ASIC2: variants seen among roughly 807,000 people sequenced by gnomAD.
ASIC2 encodes the protein acid sensing ion channel subunit 2.
Under a neutral mutation model 57.3 loss-of-function variants are expected in ASIC2, and 25 were observed. The ratio of observed to expected loss-of-function variants is 0.44; its 90% CI spans 0.32 to 0.61. The LOEUF (loss-of-function observed/expected upper bound fraction) is 0.61. ASIC2 is among the 20% of genes least tolerant of loss of function. The probability of loss-of-function intolerance (pLI) is 0.06; values close to 1 mark genes in which losing one functional copy is unlikely to be tolerated. For missense variants in ASIC2, 641 were observed against 738.1 expected (o/e 0.87, Z 1.52); for synonymous variants, 319 against 307.5 (o/e 1.04, Z -0.39).
chr17:33,252,574 C>A (rs1010100156), intron 1 of ASIC2, among the ~76,000 whole-genome samples: 1 of 152,000 alleles, frequency 6.6e-6, no homozygotes, highest in African/African-American at 2.4e-5. Flanking sequence ...AAGGTGTGTG[C>A]CCAGCCCTGC....
At chr17:33,778,679 G>A (rs928261309) in intron 1 of ASIC2, among the ~76,000 whole-genome samples, 1 of 152,102 alleles carries the variant, frequency 6.6e-6, no homozygotes, top group Admixed American at 6.5e-5. Context: ...TTCTCTACTG[G>A]GTAGCATTGG....
intron 1 of ASIC2, among the ~76,000 whole-genome samples, chr17:33,886,615 C>T (rs1055059817): frequency 6.6e-6 from 1 of 152,010 alleles, no homozygotes; most frequent in South Asian, 2.1e-4. Context: ...AGTAAGATAA[C>T]ATAGAAAAAT....
At chr17:33,547,051 TA>T (rs1403962108) in intron 1 of ASIC2, among the ~76,000 whole-genome samples, 5 of 152,094 alleles carry the variant, frequency 3.3e-5, no homozygotes, top group African/African-American at 1.2e-4. Flanking sequence ...GAAGGCTTGT[TA>T]AAAAAGGTTG....
intron 1 of ASIC2, among the ~76,000 whole-genome samples, chr17:33,438,848 C>CTTT (rs55935165): frequency 1.5e-5 from 2 of 130,420 alleles, no homozygotes; most frequent in African/African-American, 5.7e-5. Flanking sequence ...GCAGGGGAAC[C>CTTT]TTTTTTTTTT....
At chr17:33,703,271 G>A (rs1908759695) in intron 1 of ASIC2, among the ~76,000 whole-genome samples, 1 of 151,782 alleles carries the variant, frequency 6.6e-6, no homozygotes, top group Non-Finnish European at 1.5e-5. Context: ...CCAAATATTT[G>A]GATTTTAATT....
At chr17:33,232,102 T>C (rs1241028667) in intron 1 of ASIC2, among the ~76,000 whole-genome samples, 1 of 152,126 alleles carries the variant, frequency 6.6e-6, no homozygotes. Context: ...CCGGAAGTGA[T>C]GGTATTTGGA....
intron 1 of ASIC2, chr17:33,291,131 G>C (rs547781419): frequency 7.3e-5 from 40 of 549,072 alleles, no homozygotes; most frequent in African/African-American, 5.3e-4. Flanking sequence ...GGGACCATAA[G>C]GAGTAGAATG....
intron 1 of ASIC2, among the ~76,000 whole-genome samples, chr17:33,586,133 T>C (rs972613358): frequency 1.3e-5 from 2 of 152,178 alleles, no homozygotes; most frequent in African/African-American, 4.8e-5. Context: ...AAGAAGAGTG[T>C]CCACCGCAGC....
chr17:33,562,635 T>A (rs2043472), intron 1 of ASIC2, among the ~76,000 whole-genome samples: 86,102 of 151,912 alleles, frequency 0.57, 25,546 homozygotes, highest in African/African-American at 0.75. Flanking sequence ...GGCACCTATC[T>A]CTTGGGAAAA....
At chr17:34,084,122 C>G (rs567477139) in intron 1 of ASIC2, among the ~76,000 whole-genome samples, 1 of 151,874 alleles carries the variant, frequency 6.6e-6, no homozygotes, top group East Asian at 1.9e-4. Context: ...AATAGTAATG[C>G]TGAGGTTTTC....
intron 1 of ASIC2, among the ~76,000 whole-genome samples, chr17:33,537,179 C>T (rs1164420073): frequency 2.0e-5 from 3 of 152,210 alleles, no homozygotes; most frequent in African/African-American, 7.2e-5. Flanking sequence ...CCACTCCTCT[C>T]TCACTCATCG....
At chr17:33,015,753 G>T (rs1329437847) in intron 9 of ASIC2, among the ~76,000 whole-genome samples, 1 of 152,208 alleles carries the variant, frequency 6.6e-6, no homozygotes, top group African/African-American at 2.4e-5. Flanking sequence ...GCACCTCCTG[G>T]TGTCTGCTGC....
chr17:33,438,154 A>G (rs775001643), intron 1 of ASIC2, among the ~76,000 whole-genome samples: 1 of 152,328 alleles, frequency 6.6e-6, no homozygotes, highest in Middle Eastern at 3.4e-3. Context: ...ACGATACCCA[A>G]TATGCAAAAT....
intron 1 of ASIC2, among the ~76,000 whole-genome samples, chr17:33,859,755 A>G (rs1396462499): frequency 1.3e-5 from 2 of 152,182 alleles, no homozygotes; most frequent in Non-Finnish European, 2.9e-5. Flanking sequence ...ATCATGGCTC[A>G]CTGCATGCAG....
chr17:33,678,343 T>G (rs912477835), intron 1 of ASIC2, among the ~76,000 whole-genome samples: 7 of 152,036 alleles, frequency 4.6e-5, no homozygotes, highest in Non-Finnish European at 7.4e-5. Context: ...ATTTGCAATA[T>G]CTCTGAATTA....
intron 1 of ASIC2, among the ~76,000 whole-genome samples, chr17:33,994,736 C>G (rs935814143): frequency 2.6e-5 from 4 of 152,154 alleles, no homozygotes; most frequent in African/African-American, 9.6e-5. Flanking sequence ...GACTGTGAAC[C>G]CACTAGAAAG....
intron 1 of ASIC2, among the ~76,000 whole-genome samples, chr17:33,742,619 GA>G (rs1201781674): frequency 6.6e-6 from 1 of 152,148 alleles, no homozygotes. Context: ...AACAATGCAG[GA>G]AAAAACTCCA....
At chr17:33,437,002 A>T (rs936808585) in intron 1 of ASIC2, among the ~76,000 whole-genome samples, 1 of 150,918 alleles carries the variant, frequency 6.6e-6, no homozygotes, top group Non-Finnish European at 1.5e-5. Context: ...AGTAGCTGGG[A>T]CTACAGGCGC....
chr17:34,060,696 A>G (rs1213533309), intron 1 of ASIC2, among the ~76,000 whole-genome samples: 1 of 152,210 alleles, frequency 6.6e-6, no homozygotes, highest in African/African-American at 2.4e-5. Flanking sequence ...TTAGAAATGC[A>G]AAATGCTCTG....
Sources: allele counts gnomAD v4.1 joint callset (sites outside exome capture counted in the v4.1 genomes callset), GRCh38; gene constraint gnomAD v4.1.1; transcripts MANE v1.5; gene names NCBI Gene and HGNC (gene_info 2026-07-23, HGNC 2026-07-21).